Variants in CASK observed in about 807,000 individuals in gnomAD.
CASK encodes calcium/calmodulin dependent serine protein kinase.
Under a neutral mutation model 82.9 loss-of-function variants are expected in CASK, and 4 were observed. The ratio of observed to expected loss-of-function variants is 0.05; its 90% CI spans 0.02 to 0.11. The LOEUF is 0.11. Among genes scored for constraint, CASK ranks in the 10% least tolerant of loss-of-function variants. CASK has a pLI of 1.00. For missense variants in CASK, 358 were observed against 720.9 expected, an observed-to-expected ratio of 0.50 and a Z score of 5.76; for synonymous variants, 259 against 253.5, an observed-to-expected ratio of 1.02 and a Z score of -0.20.
chrX:41,792,630 T>C (rs1052917207), intron 2 of CASK, among the ~76,000 whole-genome samples: 1 of 111,237 alleles, frequency 9.0e-6, no homozygotes, highest in Non-Finnish European at 1.9e-5. Flanking sequence ...TTAAGTATAA[T>C]GTAAGCCATG....
chrX:41,777,488 CAA>C (rs745388835), intron 3 of CASK, among the ~76,000 whole-genome samples: 6 of 41,359 alleles, frequency 1.5e-4, no homozygotes, highest in Admixed American at 3.1e-4. Context: ...GACATCGTCT[CAA>C]AAAAAAAAAA....
chrX:41,870,801 GT>G (rs903932162), intron 1 of CASK, among the ~76,000 whole-genome samples: 2 of 111,940 alleles, frequency 1.8e-5, no homozygotes, highest in African/African-American at 6.5e-5. Flanking sequence ...AGGGGAACTG[GT>G]GGTGGTGGTG....
chrX:41,569,759 AAAT>A lies in CASK; in HGVS notation c.1504-16_1504-14del, dbSNP rs1209991725. On this transcript the variant is annotated splice_polypyrimidine_tract_variant and intron_variant, in intron 15 of 26. Transcript: ENST00000378163. ...TTAAAGTGATTCCCTGTTAAAAAAA[AAAT>A]AAAAAGTTCAGCAAAAGTAGAATTA... 1 of 1,029,475 alleles carries A rather than the reference AAAT, an allele frequency of 9.7e-7. No individual in the cohort carries two copies. The highest frequency in any genetic ancestry group is 1.4e-6 in the Non-Finnish European group (1 of 737,446). The allele number at this position is 1,029,475 out of a possible 1,213,427, so 84.8% of individuals were successfully genotyped here.
chrX:41,819,515 A>T (rs1188239844), intron 2 of CASK, among the ~76,000 whole-genome samples: 1 of 111,481 alleles, frequency 9.0e-6, no homozygotes, highest in Non-Finnish European at 1.9e-5. Context: ...ACACTGGTGA[A>T]TTCCACAATA....
chrX:41,783,943 C>A (rs900019109), intron 3 of CASK, among the ~76,000 whole-genome samples: 2 of 112,089 alleles, frequency 1.8e-5, no homozygotes, highest in African/African-American at 6.5e-5. Flanking sequence ...CGTGGATAAC[C>A]AAAGCCTCCC....
At chrX:41,812,800 T>C (rs1294291343) in intron 2 of CASK, among the ~76,000 whole-genome samples, 1 of 111,636 alleles carries the variant, frequency 9.0e-6, no homozygotes, top group African/African-American at 3.3e-5. Flanking sequence ...GAAGTCAAAT[T>C]GTCCCTGTTT....
intron 4 of CASK, among the ~76,000 whole-genome samples, chrX:41,743,891 T>G (rs1354960141): frequency 9.0e-6 from 1 of 111,056 alleles, no homozygotes; most frequent in Non-Finnish European, 1.9e-5. Flanking sequence ...GCGGATCACT[T>G]GAGGTCAGGA....
intron 16 of CASK, among the ~76,000 whole-genome samples, chrX:41,566,280 T>A (rs752054331): frequency 1.8e-5 from 2 of 111,533 alleles, no homozygotes; most frequent in East Asian, 5.6e-4. Flanking sequence ...GATTAGGAAA[T>A]GAGGAAGTCA....
rs72626423 is a variant in CASK at position 41,821,245 on chromosome X, C to T, written c.172+31870G>A. ...CCTACAACTTAATACAAAAGACACACACCTCAATGAAAAATAGACATCGGT... is the reference window on the plus strand; with the variant it reads ...CCTACAACTTAATACAAAAGACACATACCTCAATGAAAAATAGACATCGGT... On this transcript the variant is annotated intron_variant, in intron 2 of 26. Transcript: ENST00000378163. Among the ~76,000 whole-genome samples the T allele has an allele frequency of 2.7e-5, 3 of 112,114 alleles. No homozygotes were observed. In the East Asian group the frequency reaches 8.3e-4, roughly 31 times the overall value.
intron 3 of CASK, among the ~76,000 whole-genome samples, chrX:41,772,616 G>A (rs919965407): frequency 5.4e-5 from 6 of 111,256 alleles, no homozygotes; most frequent in African/African-American, 2.0e-4. Flanking sequence ...TAAAAACCCT[G>A]AATATTCCTA....
At chrX:41,544,586 A>C (rs961758135) in intron 21 of CASK, among the ~76,000 whole-genome samples, 16 of 107,701 alleles carry the variant, frequency 1.5e-4, no homozygotes, top group Admixed American at 3.0e-4. Context: ...AAAAAAAAAA[A>C]CAAAAATGAA....
intron 3 of CASK, among the ~76,000 whole-genome samples, chrX:41,768,648 T>G (rs1167807387): frequency 1.8e-5 from 2 of 111,023 alleles, no homozygotes; most frequent in Non-Finnish European, 3.8e-5. Context: ...TACAAATACA[T>G]GAAAAAGGTA....
chrX:41,695,825 T>C, intron 5 of CASK: 9 of 1,205,944 alleles, frequency 7.5e-6, no homozygotes, highest in Non-Finnish European at 1.0e-5. Flanking sequence ...ACTCTGTTAT[T>C]TTCATCGTGG....
chrX:41,593,810 C>T (rs1247430392), intron 12 of CASK, among the ~76,000 whole-genome samples: 1 of 112,115 alleles, frequency 8.9e-6, no homozygotes, highest in African/African-American at 3.2e-5. Context: ...AGTTCGAATG[C>T]GATGTAACAT....
chrX:41,650,909 C>G (rs1039695421), intron 8 of CASK, among the ~76,000 whole-genome samples: 11 of 111,731 alleles, frequency 9.8e-5, no homozygotes. Flanking sequence ...AGCTGGATAA[C>G]ATTCTAATTG....
At chrX:41,615,858 C>T (rs1478995926) in intron 11 of CASK, among the ~76,000 whole-genome samples, 2 of 111,532 alleles carry the variant, frequency 1.8e-5, no homozygotes, top group South Asian at 3.8e-4. Flanking sequence ...AACTCCTGGG[C>T]TCAAGTGATC....
At chrX:41,841,708 G>C (rs966196703) in intron 2 of CASK, among the ~76,000 whole-genome samples, 1 of 110,613 alleles carries the variant, frequency 9.0e-6, no homozygotes, top group Non-Finnish European at 1.9e-5. Context: ...ATTTTTAGTA[G>C]AGACAGGGTT....
intron 5 of CASK, among the ~76,000 whole-genome samples, chrX:41,717,804 T>A (rs892693854): frequency 1.8e-5 from 2 of 112,054 alleles, no homozygotes; most frequent in African/African-American, 6.5e-5. Context: ...ATGTGAGGGA[T>A]CCAAGACAGA....
chrX:41,613,099 C>T (rs1182315311), intron 11 of CASK, among the ~76,000 whole-genome samples: 7 of 111,642 alleles, frequency 6.3e-5, no homozygotes, highest in African/African-American at 2.3e-4. Context: ...TGAGGAGCCC[C>T]TCTGCCCGGC....
Sources: gnomAD v4.1 joint callset for allele counts (sites outside exome capture counted in the v4.1 genomes callset) on GRCh38, gnomAD v4.1.1 for gene constraint, MANE v1.5 for transcripts, NCBI Gene and HGNC (gene_info 2026-07-23, HGNC 2026-07-21) for gene names.